PGM5: variants seen among roughly 807,000 people sequenced by gnomAD.
PGM5 encodes the protein phosphoglucomutase-like protein 5.
In PGM5, 23 loss-of-function variants were observed where a neutral mutation model predicts 59.2. The ratio of observed to expected loss-of-function variants is 0.39; its 90% CI spans 0.28 to 0.55. PGM5 has a LOEUF of 0.55. Among genes scored for constraint, PGM5 ranks in the 20% least tolerant of loss-of-function variants. The probability of loss-of-function intolerance (pLI) is 0.66; values close to 1 mark genes in which losing one functional copy is unlikely to be tolerated. For missense variants in PGM5, 574 were observed against 748.3 expected (o/e 0.77, Z 2.72); for synonymous variants, 214 against 286.0 (o/e 0.75, Z 2.54).
At chr9:68,469,377 C>G (rs1823987261) in intron 7 of PGM5, among the ~76,000 whole-genome samples, 2 of 152,054 alleles carry the variant, frequency 1.3e-5, no homozygotes, top group Admixed American at 1.3e-4. Context: ...AAAATGAGCA[C>G]TTAGTATGTA....
At chr9:68,419,577 G>A (rs1489624170) in intron 6 of PGM5, among the ~76,000 whole-genome samples, 1 of 152,200 alleles carries the variant, frequency 6.6e-6, no homozygotes, top group East Asian at 1.9e-4. Context: ...AAGAAAGTAG[G>A]ACTAGGATGG....
At chr9:68,431,189 T>G (rs1823340524) in intron 6 of PGM5, among the ~76,000 whole-genome samples, 1 of 152,214 alleles carries the variant, frequency 6.6e-6, no homozygotes, top group Non-Finnish European at 1.5e-5. Context: ...CCAACTCCAC[T>G]TCCTCACTGT....
In PGM5 at chr9:68,460,005, A is replaced by G. The variant is rs1394382374; in HGVS notation, c.1044-5088A>G. On this transcript the variant is annotated intron_variant, in intron 6 of 10. Transcript: ENST00000396396. ...AGGGGTCTGAGAGTTCAGTGTGTAGAAAATAGTACCATGGGCCCTTCTTGG... is the reference window on the plus strand; with the variant it reads ...AGGGGTCTGAGAGTTCAGTGTGTAGGAAATAGTACCATGGGCCCTTCTTGG... Among the ~76,000 whole-genome samples, 4 of 152,218 alleles carry G rather than the reference A, an allele frequency of 2.6e-5. No homozygotes were observed. In the South Asian group the frequency reaches 6.2e-4, roughly 24 times the overall value.
At chr9:68,360,642 A>G (rs1401541579) in intron 1 of PGM5, among the ~76,000 whole-genome samples, 3 of 151,912 alleles carry the variant, frequency 2.0e-5, no homozygotes, top group African/African-American at 7.2e-5. Flanking sequence ...TCAAACTTTC[A>G]GAAAAGCAGA....
intron 10 of PGM5, among the ~76,000 whole-genome samples, chr9:68,527,027 G>A (rs540443010): frequency 6.6e-6 from 1 of 152,166 alleles, no homozygotes; most frequent in South Asian, 2.1e-4. Context: ...TTTTGGTCAC[G>A]GACATCTAGT....
At chr9:68,408,914 T>C (rs1334691349) in intron 6 of PGM5, among the ~76,000 whole-genome samples, 7 of 152,176 alleles carry the variant, frequency 4.6e-5, no homozygotes, top group Non-Finnish European at 1.0e-4. Context: ...CTGAGGGCTC[T>C]GTTCTGTTCC....
chr9:68,453,366 G>T (rs1435480956), intron 6 of PGM5, among the ~76,000 whole-genome samples: 4 of 151,852 alleles, frequency 2.6e-5, no homozygotes, highest in African/African-American at 9.7e-5. Flanking sequence ...TTTGAGACAG[G>T]GTCTTGCTGC....
At chr9:68,439,266 G>C (rs12343961) in intron 6 of PGM5, among the ~76,000 whole-genome samples, 1 of 151,736 alleles carries the variant, frequency 6.6e-6, no homozygotes, top group African/African-American at 2.4e-5. Flanking sequence ...TTGGGAGGCT[G>C]TGTTGGGAGG....
intron 3 of PGM5, among the ~76,000 whole-genome samples, chr9:68,387,238 A>G (rs547717173): frequency 6.6e-6 from 1 of 152,164 alleles, no homozygotes; most frequent in East Asian, 1.9e-4. Context: ...ATAACTTGGT[A>G]TCATTTATAC....
intron 10 of PGM5, among the ~76,000 whole-genome samples, chr9:68,508,810 C>A (rs909691020): frequency 6.6e-6 from 1 of 152,230 alleles, no homozygotes; most frequent in Non-Finnish European, 1.5e-5. Flanking sequence ...CATTTCCGTG[C>A]CTTTCAGGAG....
chr9:68,516,310 G>A (rs117425163), intron 10 of PGM5, among the ~76,000 whole-genome samples: 2,809 of 152,228 alleles, frequency 0.018, 36 homozygotes, highest in Middle Eastern at 0.034. Context: ...TGTTCTAGAG[G>A]CAGTCCTCAA....
intron 1 of PGM5, among the ~76,000 whole-genome samples, chr9:68,374,955 G>T (rs1342803222): frequency 6.6e-6 from 1 of 151,936 alleles, no homozygotes; most frequent in East Asian, 1.9e-4. Flanking sequence ...ATTCTGGCTT[G>T]GGGACTCACA....
At chr9:68,417,219 T>G (rs141292886) in intron 6 of PGM5, among the ~76,000 whole-genome samples, 1 of 152,330 alleles carries the variant, frequency 6.6e-6, no homozygotes, top group East Asian at 1.9e-4. Flanking sequence ...GAAGGTCCCA[T>G]GAAACAGGGT....
At position 68,479,418 on chromosome 9, in the gene PGM5, G is replaced by T; in HGVS notation, c.1160G>T (p.Gly387Val). 1 of 1,608,752 alleles carries T rather than the reference G, an allele frequency of 6.2e-7. No homozygotes were observed. The highest frequency in any genetic ancestry group is 8.5e-7 in the Non-Finnish European group (1 of 1,178,334). Residue 387 changes from glycine (G) to valine (V), a missense_variant and splice_region_variant, in exon 8 of 11, where the codon GGC becomes GTC. Gly to Val is a moderately radical substitution (Grantham distance 109). Transcript: ENST00000396396. ...NLCGEESFGT[G>V]SDHLREKDGL... ...AGCAGAATTTTTCTTTCACCTTTAGGCTCTGACCACCTCCGAGAGAAGGAT... is the reference window on the plus strand; with the variant it reads ...AGCAGAATTTTTCTTTCACCTTTAGTCTCTGACCACCTCCGAGAGAAGGAT...
At position 68,357,210 on chromosome 9, in the gene PGM5, G is replaced by T; in HGVS notation, c.83G>T (p.Arg28Leu). 3 of 1,540,314 alleles carry T rather than the reference G, an allele frequency of 1.9e-6. No homozygotes were observed. The highest frequency in any genetic ancestry group is 2.6e-6 in the Non-Finnish European group (3 of 1,145,850). Residue 28 changes from arginine (R) to leucine (L), a missense_variant, in exon 1 of 11, where the codon CGG becomes CTG. By Grantham distance (102) the Arg-to-Leu change is moderately radical. Around this residue, in one of 7 missense-constraint regions of PGM5, gnomAD observed 60 missense variants for 71.0 expected, o/e 0.85. Coordinates refer to ENST00000396396, the MANE Select transcript of PGM5 (RefSeq NM_021965.4). Reference protein sequence around the residue: ...DQRPAGGGGLRRPTGLFEGQR... With the variant: ...DQRPAGGGGLLRPTGLFEGQR... ...CGGCCGGCCGGCGGCGGGGGTCTGC[G>T]GCGACCCACCGGCCTCTTCGAGGGC...
intron 8 of PGM5, among the ~76,000 whole-genome samples, chr9:68,480,016 G>T (rs1360224255): frequency 6.6e-6 from 1 of 152,054 alleles, no homozygotes. Context: ...GTTGGGGGTG[G>T]TGTCAAAGGC....
At chr9:68,471,643 G>A (rs1298948202) in intron 7 of PGM5, among the ~76,000 whole-genome samples, 9 of 151,520 alleles carry the variant, frequency 5.9e-5, no homozygotes, top group Middle Eastern at 3.4e-3. Context: ...AGAGAGACTC[G>A]GTGCAGTGGC....
intron 6 of PGM5, among the ~76,000 whole-genome samples, chr9:68,440,082 G>A (rs1298088812): frequency 6.6e-6 from 1 of 152,066 alleles, no homozygotes; most frequent in East Asian, 1.9e-4. Flanking sequence ...AAGCAAAAAT[G>A]GACAGAATGG....
At chr9:68,382,814 C>T (rs1176205578) in intron 2 of PGM5, among the ~76,000 whole-genome samples, 1 of 151,636 alleles carries the variant, frequency 6.6e-6, no homozygotes, top group African/African-American at 2.4e-5. Flanking sequence ...TGAATGGCAT[C>T]ATAGACAACT....
Sources: allele counts gnomAD v4.1 joint callset (sites outside exome capture counted in the v4.1 genomes callset), GRCh38; gene constraint gnomAD v4.1.1; regional missense constraint gnomAD v4.1.1; transcripts MANE v1.5; gene names NCBI Gene and HGNC (gene_info 2026-07-23, HGNC 2026-07-21).